The following GPX2 variants were observed in gnomAD, a reference collection of about 807,000 sequenced individuals.
The protein encoded by GPX2 is glutathione peroxidase 2.
A neutral mutation model predicts 14.1 loss-of-function variants in GPX2; 21 were observed. That is an observed-to-expected ratio of 1.48 (90% CI 1.05 to 2.14). GPX2 has a LOEUF of 2.14. Ranked by LOEUF, GPX2 falls within the 30% of genes most tolerant of loss-of-function variation. The pLI, the probability that GPX2 is intolerant of heterozygous loss-of-function variation, is 0.00. For missense variants in GPX2, 241 were observed against 249.8 expected (o/e 0.96, Z 0.24); for synonymous variants, 94 against 95.2 (o/e 0.99, Z 0.07).
chr14:64,939,616 C>G lies in GPX2; in HGVS notation c.445G>C (p.Asp149His). 6.2e-7 allele frequency: 1 copy of G among 1,614,166 alleles called. No homozygotes were observed. The highest frequency in any genetic ancestry group is 8.5e-7 in the Non-Finnish European group (1 of 1,180,034). Residue 149 changes from aspartate (D) to histidine (H), a missense_variant, in exon 2 of 2, where the codon GAT becomes CAT. Asp to His is a moderately conservative substitution (Grantham distance 81). Transcript: ENST00000389614. The surrounding 1 kb of genome is among the most constrained non-coding windows in gnomAD (Gnocchi z 5.7). The stretch of plus-strand genomic sequence containing the variant: ...AACTTCTCAAAGTTCCAGGCCACAT[C>G]TGAGCGGCGCACAGGGCTCCAAATG... ...LIIWSPVRRS[D>H]VAWNFEKFLI...
rs759554643 is a variant in GPX2, at chr14:64,940,716, G to C, written c.223-878C>G. On this transcript the variant is annotated intron_variant, in intron 1 of 1. Transcript: ENST00000389614. The surrounding 1 kb of genome is among the most constrained non-coding windows in gnomAD (Gnocchi z 4.5). ...AGTGCTTGATGGCTAAAGATTGTGA[G>C]TATGTAATTATCATTCTTTTCTTGA... Among the ~76,000 whole-genome samples, 1 of 152,174 alleles carries C rather than the reference G, an allele frequency of 6.6e-6. No individual in the cohort carries two copies. The highest frequency in any genetic ancestry group is 1.5e-5 in the Non-Finnish European group (1 of 68,034).
In GPX2 at chr14:64,939,964, A is replaced by ATT; in HGVS notation, c.223-127_223-126insAA. The stretch of plus-strand genomic sequence containing the variant: ...CATTCTTTTTCACTGTGAAAGAGAG[A>ATT]GAGACAAGACAGACGAGGTGTTGCT... On this transcript the variant is annotated intron_variant, in intron 1 of 1. Transcript: ENST00000389614. This position sits in a 1 kb window ranked among gnomAD's most constrained non-coding sequence, Gnocchi z 5.7. 3 of 1,472,708 alleles carry ATT rather than the reference A, an allele frequency of 2.0e-6. No individual in the cohort carries two copies. Among genetic ancestry groups the ATT allele is most frequent in the Non-Finnish European group, 1.8e-6 (2 of 1,119,166 alleles). 91.2% of individuals were successfully genotyped at this position (1,472,708 alleles called of 1,614,324 possible). A position where few individuals can be genotyped will look rare whatever the true frequency, so the allele number is the denominator to read the frequency against.
Position 64,939,847 on chromosome 14 carries a change from G to C in GPX2, c.223-9C>G, listed in dbSNP as rs1282898063. 1.9e-6 allele frequency: 3 copies of C among 1,611,368 alleles called. No homozygotes were observed. Among genetic ancestry groups the C allele is most frequent in the Admixed American group, 1.7e-5 (1 of 59,886 alleles). ...TCATTCTGACAGTTCTCCTAGGGGA[G>C]GAAAAAGACAAAGTGCGTGGACAGT... On this transcript the variant is annotated splice_polypyrimidine_tract_variant and intron_variant, in intron 1 of 1. Coordinates refer to ENST00000389614, the MANE Select transcript of GPX2 (RefSeq NM_002083.4). This position sits in a 1 kb window ranked among gnomAD's most constrained non-coding sequence, Gnocchi z 5.7.
In GPX2 at chr14:64,939,949, C is replaced by G; in HGVS notation, c.223-111G>C. 6.8e-7 allele frequency: 1 copy of G among 1,461,920 alleles called. No homozygotes were observed. The highest frequency in any genetic ancestry group is 2.4e-5 in the Admixed American group (1 of 41,778). The allele number at this position is 1,461,920 out of a possible 1,614,324, so 90.6% of individuals were successfully genotyped here. ...CTCCCTCCCCAGGGTCATTCTTTTT[C>G]ACTGTGAAAGAGAGAGAGACAAGAC... On this transcript the variant is annotated intron_variant, in intron 1 of 1. Coordinates refer to ENST00000389614, the MANE Select transcript of GPX2 (RefSeq NM_002083.4). This position sits in a 1 kb window ranked among gnomAD's most constrained non-coding sequence, Gnocchi z 5.7.
In GPX2 at chr14:64,939,295, C is replaced by A; in HGVS notation, c.*193G>T. On this transcript the variant is annotated 3_prime_UTR_variant, in exon 2 of 2. Transcript: ENST00000389614. This position sits in a 1 kb window ranked among gnomAD's most constrained non-coding sequence, Gnocchi z 5.7. ...CAGAGCTTACCCAAGTCTTGGAGCC[C>A]AAGTTGAATCACCAACCAGAGGGTT... 1.7e-6 allele frequency: 1 copy of A among 597,976 alleles called. No individual in the cohort carries two copies. The highest frequency in any genetic ancestry group is 2.8e-5 in the East Asian group (1 of 35,822). 37.0% of individuals were successfully genotyped at this position (597,976 alleles called of 1,614,324 possible). A position where few individuals can be genotyped will look rare whatever the true frequency, so the allele number is the denominator to read the frequency against.
Position 64,942,717 on chromosome 14 carries a change from T to G in GPX2, c.10A>C (p.Ile4Leu). Residue 4 changes from isoleucine (I) to leucine (L), a missense_variant, in exon 1 of 2, where the codon ATT becomes CTT. Physicochemically the swap from Ile to Leu is conservative, Grantham distance 5. Transcript: ENST00000389614. MAF[I>L]AKSFYDLSAI... ...CTGAGGTCATAGAAGGACTTGGCAATGAAAGCCATGGTGAAGCGCAGAGTG... is the reference window on the plus strand; with the variant it reads ...CTGAGGTCATAGAAGGACTTGGCAAGGAAAGCCATGGTGAAGCGCAGAGTG... The G allele has an allele frequency of 6.2e-7, 1 of 1,613,636 alleles. No individual in the cohort carries two copies. The highest frequency in any genetic ancestry group is 8.5e-7 in the Non-Finnish European group (1 of 1,179,800).
rs1305765584 is a variant in GPX2 at position 64,939,592 on chromosome 14, A to G, written c.469T>C (p.Phe157Leu). The G allele has an allele frequency of 1.2e-6, 2 of 1,614,116 alleles. No individual in the cohort carries two copies. Among genetic ancestry groups the G allele is most frequent in the African/African-American group, 1.3e-5 (1 of 75,024 alleles). The part of the protein sequence containing the change: ...RSDVAWNFEK[F>L]LIGPEGEPFR... ...GGCTCTCCCTCCGGCCCTATGAGGA[A>G]CTTCTCAAAGTTCCAGGCCACATCT... Residue 157 changes from phenylalanine (F) to leucine (L), a missense_variant, in exon 2 of 2, where the codon TTC (phenylalanine) becomes CTC (leucine). Phe to Leu is a conservative substitution (Grantham distance 22). Transcript: ENST00000389614. The surrounding 1 kb of genome is among the most constrained non-coding windows in gnomAD (Gnocchi z 5.7).
rs1885531063 is a variant in GPX2 at position 64,939,895 on chromosome 14, A to G, written c.223-57T>C. 1 of 1,572,328 alleles carries G rather than the reference A, an allele frequency of 6.4e-7. No homozygotes were observed. The highest frequency in any genetic ancestry group is 8.6e-7 in the Non-Finnish European group (1 of 1,158,194). On this transcript the variant is annotated intron_variant, in intron 1 of 1. Transcript: ENST00000389614. This position sits in a 1 kb window ranked among gnomAD's most constrained non-coding sequence, Gnocchi z 5.7. ...AGTGGGTGGGGGAAGAGAAAGATCC[A>G]CAACATGAAACTCTTTCACCCTCCT...
rs776369781 is a variant in GPX2 at position 64,939,877 on chromosome 14, G to A, written c.223-39C>T. 5 of 1,597,426 alleles carry A rather than the reference G, an allele frequency of 3.1e-6. No individual in the cohort carries two copies. The highest frequency in any genetic ancestry group is 4.3e-6 in the Non-Finnish European group (5 of 1,170,214). ...AAGACAAAGTGCGTGGACAGTGGGT[G>A]GGGGAAGAGAAAGATCCACAACATG... On this transcript the variant is annotated intron_variant, in intron 1 of 1. Transcript: ENST00000389614. This position sits in a 1 kb window ranked among gnomAD's most constrained non-coding sequence, Gnocchi z 5.7.
In GPX2 at chr14:64,939,399, G is replaced by C; in HGVS notation, c.*89C>G. The C allele has an allele frequency of 2.1e-6, 2 of 949,678 alleles. No individual in the cohort carries two copies. Among genetic ancestry groups the C allele is most frequent in the South Asian group, 3.0e-5 (2 of 65,924 alleles). 58.8% of individuals were successfully genotyped at this position (949,678 alleles called of 1,614,324 possible). ...GGACTGATATCAAGGGAATGCTGAG[G>C]TCCAGCAGTGTCTCCTGAAGGCATG... On this transcript the variant is annotated 3_prime_UTR_variant, in exon 2 of 2. Coordinates refer to ENST00000389614, the MANE Select transcript of GPX2 (RefSeq NM_002083.4). The surrounding 1 kb of genome is among the most constrained non-coding windows in gnomAD (Gnocchi z 5.7).
chr14:64,941,540 G>T, intron 1 of GPX2: 2 of 1,287,062 alleles, frequency 1.6e-6, no homozygotes, highest in African/African-American at 3.0e-5. Context: ...GAAAAGGCCA[G>T]ACAGAAAACT....
At position 64,940,441 on chromosome 14, in the gene GPX2, G is replaced by A. The variant is rs1885570601; in HGVS notation, c.223-603C>T. The stretch of plus-strand genomic sequence containing the variant: ...GTGAAATTGAGACCCAGAGGAATGG[G>A]ATTTACAGCTTCTTGCTTTCTTCTT... On this transcript the variant is annotated intron_variant, in intron 1 of 1. Transcript: ENST00000389614. The surrounding 1 kb of genome is among the most constrained non-coding windows in gnomAD (Gnocchi z 4.5). 6.6e-6 allele frequency among the ~76,000 whole-genome samples: 1 copy of A among 152,156 alleles called. No individual in the cohort carries two copies. The highest frequency in any genetic ancestry group is 2.4e-5 in the African/African-American group (1 of 41,428).
At chr14:64,941,302 A>G (rs1028100735) in intron 1 of GPX2, 1 of 1,086,416 alleles carries the variant, frequency 9.2e-7, no homozygotes, top group East Asian at 8.0e-5. Context: ...TCCTGAGCTC[A>G]AGCAATCTGC....
In GPX2 at chr14:64,942,592, C is replaced by T. The variant is rs772907040; in HGVS notation, c.135G>A (p.Arg45=). 1.1e-5 allele frequency: 17 copies of T among 1,614,062 alleles called. No individual in the cohort carries two copies. The Middle Eastern group carries it at 4.9e-4, about 47-fold the overall frequency. The change falls in exon 1 of 2, where the codon CGG becomes CGA. Residue 45 remains arginine, a synonymous_variant. Coordinates refer to ENST00000389614, the MANE Select transcript of GPX2 (RefSeq NM_002083.4). ...NVASLUGTTT[R]DFTQLNELQC... is the part of the protein sequence containing the mutation. ...GCAGCTCGTTGAGCTGGGTGAAGTC[C>T]CGGGTGGTTGTGCCTCAGAGCGAAG...
chr14:64,942,050 T>A (rs1885673849), intron 1 of GPX2, among the ~76,000 whole-genome samples: 1 of 152,212 alleles, frequency 6.6e-6, no homozygotes, highest in African/African-American at 2.4e-5. Flanking sequence ...ATGAGGAAAC[T>A]AAACCGAAAA....
chr14:64,940,105 A>T lies in GPX2; in HGVS notation c.223-267T>A. On this transcript the variant is annotated intron_variant, in intron 1 of 1. Transcript: ENST00000389614. The surrounding 1 kb of genome is among the most constrained non-coding windows in gnomAD (Gnocchi z 4.5). Reference sequence around the variant, plus strand: ...CTAATTTTTTTTTTTTTTTGTAGAGATGGGGTCTCACTTTGTTGCCCATGC... The same window carrying T: ...CTAATTTTTTTTTTTTTTTGTAGAGTTGGGGTCTCACTTTGTTGCCCATGC... The T allele has an allele frequency of 7.2e-7, 1 of 1,385,314 alleles. No homozygotes were observed. The highest frequency in any genetic ancestry group is 1.3e-5 in the South Asian group (1 of 78,746). 85.8% of individuals were successfully genotyped at this position (1,385,314 alleles called of 1,614,324 possible). A position where few individuals can be genotyped will look rare whatever the true frequency, so the allele number is the denominator to read the frequency against.
rs1885602442 is a variant in GPX2 at position 64,940,969 on chromosome 14, C to G, written c.223-1131G>C. On this transcript the variant is annotated intron_variant, in intron 1 of 1. Coordinates refer to ENST00000389614, the MANE Select transcript of GPX2 (RefSeq NM_002083.4). The surrounding 1 kb of genome is among the most constrained non-coding windows in gnomAD (Gnocchi z 4.5). ...AGATACCTTCCTCTGGGAGAAAGTT[C>G]CTGCTTCTGACCTGTGAGAACTAAC... Among the ~76,000 whole-genome samples, 1 of 152,332 alleles carries G rather than the reference C, an allele frequency of 6.6e-6. No homozygotes were observed. Among genetic ancestry groups the G allele is most frequent in the African/African-American group, 2.4e-5 (1 of 41,576 alleles).
rs1287880580 is a variant in GPX2, at chr14:64,939,829, G to C, written c.232C>G (p.Gln78Glu). 6.2e-7 allele frequency: 1 copy of C among 1,613,362 alleles called. No individual in the cohort carries two copies. Among genetic ancestry groups the C allele is most frequent in the Non-Finnish European group, 8.5e-7 (1 of 1,179,386 alleles). Reference sequence around the variant, plus strand: ...AGACTGTTCAGGATCTCCTCATTCTGACAGTTCTCCTAGGGGAGGAAAAAG... The same window carrying C: ...AGACTGTTCAGGATCTCCTCATTCTCACAGTTCTCCTAGGGGAGGAAAAAG... ...CNQFGHQENC[Q>E]NEEILNSLKY... The change falls in exon 2 of 2, where the codon CAG (glutamine) becomes GAG (glutamate). Residue 78 changes from glutamine (Q) to glutamate (E), a missense_variant. Physicochemically the swap from Gln to Glu is conservative, Grantham distance 29. Coordinates refer to ENST00000389614, the MANE Select transcript of GPX2 (RefSeq NM_002083.4). This position sits in a 1 kb window ranked among gnomAD's most constrained non-coding sequence, Gnocchi z 5.7.
chr14:64,941,457 G>C (rs1054294463), intron 1 of GPX2: 2 of 1,288,672 alleles, frequency 1.6e-6, no homozygotes, highest in Non-Finnish European at 2.0e-6. Flanking sequence ...GAGATGGTGT[G>C]AGGCTGGAGG....
Sources: gnomAD v4.1 joint callset for allele counts (sites outside exome capture counted in the v4.1 genomes callset) on GRCh38, gnomAD v4.1.1 for gene constraint, Gnocchi (gnomAD v3.1) non-coding constraint, MANE v1.5 for transcripts, NCBI Gene and HGNC (gene_info 2026-07-23, HGNC 2026-07-21) for gene names.